INPP5A: variants seen among roughly 807,000 people sequenced by gnomAD.
INPP5A encodes the protein 43 kDa inositol polyphosphate 5-phophatase.
A neutral mutation model predicts 65.2 loss-of-function variants in INPP5A; 14 were observed. That is an observed-to-expected ratio of 0.21 (90% CI 0.14 to 0.34). The LOEUF (loss-of-function observed/expected upper bound fraction) is 0.34. Among genes scored for constraint, INPP5A ranks in the 10% least tolerant of loss-of-function variants. The probability of loss-of-function intolerance (pLI) is 1.00; values close to 1 mark genes in which losing one functional copy is unlikely to be tolerated. For missense variants in INPP5A, 431 were observed against 545.6 expected, an observed-to-expected ratio of 0.79 and a Z score of 2.09; for synonymous variants, 207 against 208.3, an observed-to-expected ratio of 0.99 and a Z score of 0.05.
chr10:132,626,981 C>T (rs1251072973), intron 2 of INPP5A, among the ~76,000 whole-genome samples: 1 of 152,098 alleles, frequency 6.6e-6, no homozygotes, highest in Non-Finnish European at 1.5e-5. Context: ...GTGCTCTGAC[C>T]CCAGTGTAAT....
intron 11 of INPP5A, among the ~76,000 whole-genome samples, chr10:132,763,645 A>G (rs1846774258): frequency 7.2e-6 from 1 of 138,000 alleles, no homozygotes; most frequent in Non-Finnish European, 1.7e-5. Flanking sequence ...ACATGCCTGC[A>G]TGCACACACA....
At chr10:132,677,327 G>A (rs187941409) in intron 4 of INPP5A, among the ~76,000 whole-genome samples, 3 of 152,346 alleles carry the variant, frequency 2.0e-5, no homozygotes, top group East Asian at 1.9e-4. Flanking sequence ...CCCTCACCAC[G>A]CTGCCGTCTT....
chr10:132,733,062 C>T (rs1190385358), intron 9 of INPP5A, among the ~76,000 whole-genome samples: 2 of 152,210 alleles, frequency 1.3e-5, no homozygotes, highest in Non-Finnish European at 2.9e-5. Flanking sequence ...CTCCTTGCCT[C>T]ACCCAGCCAC....
At chr10:132,757,917 G>T (rs1321718911) in intron 11 of INPP5A, among the ~76,000 whole-genome samples, 3 of 147,588 alleles carry the variant, frequency 2.0e-5, no homozygotes, top group Non-Finnish European at 4.5e-5. Context: ...GTGCGATGTC[G>T]TGGGTCCTTG....
chr10:132,655,955 C>T (rs1335533210), intron 4 of INPP5A, among the ~76,000 whole-genome samples: 1 of 152,218 alleles, frequency 6.6e-6, no homozygotes, highest in Non-Finnish European at 1.5e-5. Context: ...GCTGGCTGGG[C>T]ATGGGTCCCA....
At chr10:132,652,002 C>T (rs1356708672) in intron 4 of INPP5A, among the ~76,000 whole-genome samples, 1 of 151,020 alleles carries the variant, frequency 6.6e-6, no homozygotes, top group Admixed American at 6.6e-5. Flanking sequence ...CAGGATGTAG[C>T]TCCTCCTGTC....
intron 3 of INPP5A, among the ~76,000 whole-genome samples, chr10:132,648,076 A>C (rs185277337): frequency 6.6e-6 from 1 of 152,382 alleles, no homozygotes; most frequent in East Asian, 1.9e-4. Context: ...CTTCGGGAAA[A>C]GATATCTGCA....
At chr10:132,745,380 G>A (rs1002588912) in intron 9 of INPP5A, among the ~76,000 whole-genome samples, 2 of 152,306 alleles carry the variant, frequency 1.3e-5, no homozygotes, top group Admixed American at 6.5e-5. Flanking sequence ...TTGACCACCA[G>A]GGAGTAACCA....
In INPP5A at chr10:132,697,443, G is replaced by A. The variant is rs1174358169; in HGVS notation, c.371-373G>A. On this transcript the variant is annotated intron_variant, in intron 5 of 15. Transcript: ENST00000368594. The surrounding 1 kb of genome is among the most constrained non-coding windows in gnomAD (Gnocchi z 5.6). ...AGTGATGGAGGCTGGATACGGGGAG[G>A]AAATCGATGTTATTAAATAAATTCA... 6.6e-6 allele frequency among the ~76,000 whole-genome samples: 1 copy of A among 152,256 alleles called. No homozygotes were observed. The highest frequency in any genetic ancestry group is 2.4e-5 in the African/African-American group (1 of 41,476).
At chr10:132,667,007 C>CA (rs1246702872) in intron 4 of INPP5A, among the ~76,000 whole-genome samples, 1 of 152,044 alleles carries the variant, frequency 6.6e-6, no homozygotes, top group Non-Finnish European at 1.5e-5. Flanking sequence ...CCACCTGGGA[C>CA]AAAAAAATGG....
Position 132,675,723 on chromosome 10 carries a change from A to G in INPP5A, c.307-14669A>G, listed in dbSNP as rs1046564402. On this transcript the variant is annotated intron_variant, in intron 4 of 15. Transcript: ENST00000368594. The surrounding 1 kb of genome is among the most constrained non-coding windows in gnomAD (Gnocchi z 4.2). ...TTCTGGGGACCGGGAACTAAGGTAA[A>G]TTATTTGAAACAGAAGTAGATGGCA... is the stretch of plus-strand genomic sequence containing the variant. Among the ~76,000 whole-genome samples, 3 of 152,210 alleles carry G rather than the reference A, an allele frequency of 2.0e-5. No homozygotes were observed. Among genetic ancestry groups the G allele is most frequent in the Non-Finnish European group, 4.4e-5 (3 of 68,044 alleles).
At chr10:132,759,600 C>T (rs1846693861) in intron 11 of INPP5A, among the ~76,000 whole-genome samples, 1 of 152,036 alleles carries the variant, frequency 6.6e-6, no homozygotes, top group Non-Finnish European at 1.5e-5. Flanking sequence ...GGGTGTGTCC[C>T]CAGGCACCCC....
Position 132,710,440 on chromosome 10 carries a change from G to A in INPP5A, c.631G>A (p.Gly211Ser), listed in dbSNP as rs1845614042. 6.2e-7 allele frequency: 1 copy of A among 1,613,642 alleles called. No individual in the cohort carries two copies. The change falls in exon 8 of 16, where the codon GGC becomes AGC. Residue 211 changes from glycine to serine, a missense_variant. Gly to Ser is a moderately conservative substitution (Grantham distance 56). Transcript: ENST00000368594. ...CTCGGGAATCCGGCACAAGGCACTGGGCTACGTGCTGGACAGGTAGGTGTG... is the reference window on the plus strand; with the variant it reads ...CTCGGGAATCCGGCACAAGGCACTGAGCTACGTGCTGGACAGGTAGGTGTG... ...VYSGIRHKALGYVLDRIIDQR... is the reference protein window; with the variant it reads ...VYSGIRHKALSYVLDRIIDQR...
rs1443195378 is a variant in INPP5A, at chr10:132,675,912, GCA to G, written c.307-14477_307-14476del. Among the ~76,000 whole-genome samples the G allele has an allele frequency of 2.6e-5, 4 of 152,112 alleles. No individual in the cohort carries two copies. The highest frequency in any genetic ancestry group is 9.7e-5 in the African/African-American group (4 of 41,412). ...ACTTTAATTATTCTATATCCATAAT[GCA>G]CATAACCAGTTTCTCCAGAACATGT... On this transcript the variant is annotated intron_variant, in intron 4 of 15. Transcript: ENST00000368594. This position sits in a 1 kb window ranked among gnomAD's most constrained non-coding sequence, Gnocchi z 4.2.
intron 9 of INPP5A, among the ~76,000 whole-genome samples, chr10:132,729,299 C>G (rs983283141): frequency 1.7e-4 from 26 of 152,218 alleles, no homozygotes; most frequent in Admixed American, 5.2e-4. Flanking sequence ...CTGGCCTGCT[C>G]CCCTGGCCTC....
intron 9 of INPP5A, among the ~76,000 whole-genome samples, chr10:132,747,458 C>T (rs566729465): frequency 6.6e-6 from 1 of 152,264 alleles, no homozygotes. Context: ...CACCAGCCAC[C>T]AGGAGGTAGA....
intron 12 of INPP5A, 114 bp downstream of exon 12, chr10:132,765,960 G>A: frequency 2.8e-6 from 2 of 717,864 alleles, no homozygotes. Context: ...GGGCATGAGT[G>A]TGTGCATTCT....
chr10:132,691,895 A>ATGCGGTCGCGGGAGACG (rs1845272432), intron 5 of INPP5A, among the ~76,000 whole-genome samples: 1 of 128,964 alleles, frequency 7.8e-6, no homozygotes, highest in African/African-American at 3.0e-5. Context: ...CGCGGGAGAC[A>ATGCGGTCGCGGGAGACG]TGCGGTCGCG....
At chr10:132,653,124 G>A (rs564153737) in intron 4 of INPP5A, among the ~76,000 whole-genome samples, 5 of 152,338 alleles carry the variant, frequency 3.3e-5, no homozygotes, top group African/African-American at 9.6e-5. Flanking sequence ...AGGCCTCTCC[G>A]TCTGTCCGAG....
Sources: gnomAD v4.1 joint callset for allele counts (sites outside exome capture counted in the v4.1 genomes callset) on GRCh38, gnomAD v4.1.1 for gene constraint, Gnocchi (gnomAD v3.1) non-coding constraint, MANE v1.5 for transcripts, NCBI Gene and HGNC (gene_info 2026-07-23, HGNC 2026-07-21) for gene names.